DCAF12: variants seen among roughly 807,000 people sequenced by gnomAD.
The protein encoded by DCAF12 is DDB1- and CUL4-associated factor 12.
Under a neutral mutation model 52.8 loss-of-function variants are expected in DCAF12, and 28 were observed. The ratio of observed to expected loss-of-function variants is 0.53; its 90% CI spans 0.39 to 0.73. The LOEUF is 0.73. Ranked by LOEUF, DCAF12 falls within the 30% of genes least tolerant of loss-of-function variation. The pLI, the probability that DCAF12 is intolerant of heterozygous loss-of-function variation, is 0.00. For synonymous variants in DCAF12, 196 were observed against 215.5 expected, an observed-to-expected ratio of 0.91 and a Z score of 0.79; for missense variants, 425 against 552.2, an observed-to-expected ratio of 0.77 and a Z score of 2.31.
chr9:34,125,310 G>C, intron 1 of DCAF12, 33 bp from the exon 2 acceptor site: 2 of 1,610,076 alleles, frequency 1.2e-6, no homozygotes, highest in Non-Finnish European at 8.5e-7. Context: ...CAGGGCTTTG[G>C]CTACTCTTCT....
At position 34,120,203 on chromosome 9, in the gene DCAF12, C is replaced by CAAAAA. The variant is rs34481024; in HGVS notation, c.333+4815_333+4819dup. Among the ~76,000 whole-genome samples, 11 of 26,200 alleles carry CAAAAA rather than the reference C, an allele frequency of 4.2e-4. 1 individual carries two copies. The highest frequency in any genetic ancestry group is 2.1e-3 in the African/African-American group (11 of 5,288). The allele number at this position is 26,200 out of a possible 152,430, so 17.2% of individuals were successfully genotyped here. On this transcript the variant is annotated intron_variant, in intron 2 of 8. Coordinates refer to ENST00000361264, the MANE Select transcript of DCAF12 (RefSeq NM_015397.4). ...GGGCAACAAGAATGAAAGTCCGTCT[C>CAAAAA]AAAAAAAAAAAAAAAAAAAAAAAAA...
intron 7 of DCAF12, among the ~76,000 whole-genome samples, chr9:34,092,134 G>A (rs1313779716): frequency 6.6e-5 from 10 of 152,146 alleles, no homozygotes; most frequent in South Asian, 4.1e-4. Context: ...TCAGTGGTCA[G>A]AACTAAACTC....
At chr9:34,100,258 G>A (rs1032562453) in intron 4 of DCAF12, among the ~76,000 whole-genome samples, 1 of 149,596 alleles carries the variant, frequency 6.7e-6, no homozygotes, top group Non-Finnish European at 1.5e-5. Context: ...GAGTGCAGTG[G>A]TGCGATCTTG....
chr9:34,121,217 T>A (rs752561913), intron 2 of DCAF12, among the ~76,000 whole-genome samples: 20 of 151,912 alleles, frequency 1.3e-4, no homozygotes, highest in Non-Finnish European at 2.6e-4. Context: ...AGATCAAACA[T>A]CCCCTTAACC....
Position 34,125,283 on chromosome 9 carries a change from G to GGATT in DCAF12, c.79-7_79-6insAATC. On this transcript the variant is annotated splice_polypyrimidine_tract_variant and splice_region_variant and intron_variant, in intron 1 of 8. Transcript: ENST00000361264. ...AGCGAGTGATCCCAGCCAAACTGTG[G>GGATT]AAACAACATTAGAAATCAGGGCTTT... 1 of 1,613,456 alleles carries GGATT rather than the reference G, an allele frequency of 6.2e-7. No individual in the cohort carries two copies. The highest frequency in any genetic ancestry group is 8.5e-7 in the Non-Finnish European group (1 of 1,179,752).
At chr9:34,088,594 C>A in intron 8 of DCAF12, 86 bp from the exon 9 acceptor site, 1 of 1,485,210 alleles carries the variant, frequency 6.7e-7, no homozygotes, top group South Asian at 1.1e-5. Context: ...GCTTTCTGGT[C>A]TCCTTAAGGG....
chr9:34,118,325 G>T (rs1829118236), intron 2 of DCAF12, among the ~76,000 whole-genome samples: 1 of 152,234 alleles, frequency 6.6e-6, no homozygotes, highest in East Asian at 1.9e-4. Context: ...GTAGAGACGG[G>T]ATTTCATCAT....
intron 1 of DCAF12, 157 bp from the exon 2 acceptor site, chr9:34,125,434 GT>G: frequency 3.5e-6 from 3 of 862,324 alleles, no homozygotes; most frequent in East Asian, 2.6e-5. Flanking sequence ...CCAGAAAGTC[GT>G]TTAACTCTTC....
chr9:34,095,372 C>CTTT lies in DCAF12; in HGVS notation c.861+1341_861+1343dup, dbSNP rs36066422. ...ATAGGCGTGAACCACCGCGCCAGGCCTTTTTTTTTTTTTTTTTTTTTTTTT... is the reference window on the plus strand; with the variant it reads ...ATAGGCGTGAACCACCGCGCCAGGCCTTTTTTTTTTTTTTTTTTTTTTTTTTTT... On this transcript the variant is annotated intron_variant, in intron 6 of 8. Coordinates refer to ENST00000361264, the MANE Select transcript of DCAF12 (RefSeq NM_015397.4). Among the ~76,000 whole-genome samples the CTTT allele has an allele frequency of 5.2e-4, 41 of 78,164 alleles. 5 individuals are homozygous for CTTT. Among genetic ancestry groups the CTTT allele is most frequent in the Non-Finnish European group, 6.6e-4 (28 of 42,168 alleles). 51.3% of individuals were successfully genotyped at this position (78,164 alleles called of 152,430 possible).
chr9:34,122,967 A>T (rs924882448), intron 2 of DCAF12, among the ~76,000 whole-genome samples: 24 of 152,156 alleles, frequency 1.6e-4, no homozygotes, highest in African/African-American at 5.8e-4. Context: ...TAAACCATGA[A>T]CATATACCTA....
At chr9:34,096,321 C>T (rs534685686) in intron 6 of DCAF12, 16 of 181,752 alleles carry the variant, frequency 8.8e-5, no homozygotes, top group Admixed American at 6.6e-4. Context: ...CAAGGCTGCA[C>T]TGATCCATGA....
chr9:34,096,535 C>T (rs1391867949), intron 6 of DCAF12, among the ~76,000 whole-genome samples, 181 bp downstream of exon 6: 1 of 152,130 alleles, frequency 6.6e-6, no homozygotes, highest in Non-Finnish European at 1.5e-5. Context: ...ACCCAGGAGG[C>T]AGAGGTTGCA....
At chr9:34,102,802 G>A (rs529317921) in intron 4 of DCAF12, among the ~76,000 whole-genome samples, 17 of 151,948 alleles carry the variant, frequency 1.1e-4, no homozygotes, top group African/African-American at 1.2e-4. Flanking sequence ...CTGGCTGGGC[G>A]CAGTGGCTCA....
intron 7 of DCAF12, 186 bp from the exon 8 acceptor site, chr9:34,089,776 T>TA: frequency 2.0e-6 from 1 of 510,060 alleles, no homozygotes; most frequent in Non-Finnish European, 3.4e-6. Flanking sequence ...AGAATCCTGA[T>TA]GCCATCCTGC....
intron 6 of DCAF12, among the ~76,000 whole-genome samples, chr9:34,094,118 G>GA (rs1260084306): frequency 2.6e-5 from 4 of 152,248 alleles, no homozygotes; most frequent in Admixed American, 2.6e-4. Context: ...AAGAAGAAGA[G>GA]AAAAAGCTGG....
chr9:34,108,740 C>T (rs1011253461), intron 2 of DCAF12, among the ~76,000 whole-genome samples: 3 of 149,806 alleles, frequency 2.0e-5, no homozygotes, highest in East Asian at 3.9e-4. Flanking sequence ...GAGCCGGGAT[C>T]GAGCCACTGC....
chr9:34,123,489 G>A (rs1829204941), intron 2 of DCAF12, among the ~76,000 whole-genome samples: 1 of 152,112 alleles, frequency 6.6e-6, no homozygotes, highest in African/African-American at 2.4e-5. Context: ...GTTCAGAGAA[G>A]AGCACTATTC....
chr9:34,091,920 T>G (rs1350832717), intron 7 of DCAF12, among the ~76,000 whole-genome samples: 1 of 152,226 alleles, frequency 6.6e-6, no homozygotes, highest in Non-Finnish European at 1.5e-5. Flanking sequence ...GTTATTTAGC[T>G]GGCTCTAGGT....
At chr9:34,107,225 T>G in intron 3 of DCAF12, 134 bp downstream of exon 3, 1 of 832,226 alleles carries the variant, frequency 1.2e-6, no homozygotes, top group South Asian at 1.6e-5. Flanking sequence ...TGCTTGCCCC[T>G]TTATCAAATA....
Sources: gnomAD v4.1 joint callset for allele counts (sites outside exome capture counted in the v4.1 genomes callset) on GRCh38, gnomAD v4.1.1 for gene constraint, MANE v1.5 for transcripts, NCBI Gene and HGNC (gene_info 2026-07-23, HGNC 2026-07-21) for gene names.